The following CAST variants were observed in gnomAD, a reference collection of about 807,000 sequenced individuals.
The protein encoded by CAST is MIR583 host.
In CAST, 76 loss-of-function variants were observed where a neutral mutation model predicts 119.6. The observed-to-expected ratio is 0.64, with a 90% confidence interval of 0.53 to 0.77. The LOEUF (loss-of-function observed/expected upper bound fraction) is 0.77, where lower values mean the gene tolerates loss of function less well. Ranked by LOEUF, CAST falls within the 30% of genes least tolerant of loss-of-function variation. The pLI, the probability that CAST is intolerant of heterozygous loss-of-function variation, is 0.00. For missense variants in CAST, 953 were observed against 946.5 expected (o/e 1.01, Z -0.09); for synonymous variants, 319 against 331.6 (o/e 0.96, Z 0.41).
the CAST span, among the ~76,000 whole-genome samples, chr5:96,467,002 T>C: frequency 6.6e-6 from 1 of 152,214 alleles, no homozygotes; most frequent in Non-Finnish European, 1.5e-5. Context: ...AAGAATGTGT[T>C]GTCATACATT....
At chr5:96,717,359 T>G (rs1757365553) in intron 3 of CAST, among the ~76,000 whole-genome samples, 4 of 152,194 alleles carry the variant, frequency 2.6e-5, no homozygotes. Flanking sequence ...AAGATGGGAC[T>G]TGGGCAGGGA....
At chr5:96,420,655 A>G in the CAST span, among the ~76,000 whole-genome samples, 1 of 147,928 alleles carries the variant, frequency 6.8e-6, no homozygotes, top group Non-Finnish European at 1.5e-5. Context: ...GGCTTTCTGG[A>G]GGGAAGACTA....
the CAST span, among the ~76,000 whole-genome samples, chr5:96,225,718 C>T: frequency 6.6e-6 from 1 of 152,076 alleles, no homozygotes; most frequent in African/African-American, 2.4e-5. Flanking sequence ...GTAGATCTAA[C>T]AGAAACAGAG....
At chr5:96,727,436 G>A in intron 5 of CAST, 53 bp from the exon 6 acceptor site, 2 of 948,818 alleles carry the variant, frequency 2.1e-6, no homozygotes, top group South Asian at 1.6e-5. Flanking sequence ...TGTAAACTAT[G>A]TCTATCTTTC....
chr5:96,538,353 A>G (rs1745855623), intron 1 of CAST, among the ~76,000 whole-genome samples: 1 of 152,228 alleles, frequency 6.6e-6, no homozygotes, highest in Non-Finnish European at 1.5e-5. Context: ...TCCTTATATC[A>G]TACCTATCTG....
At chr5:96,280,674 G>A in the CAST span, among the ~76,000 whole-genome samples, 3 of 152,032 alleles carry the variant, frequency 2.0e-5, no homozygotes, top group Non-Finnish European at 4.4e-5. Context: ...ATGAGATAAT[G>A]TATGTGAAAA....
chr5:96,048,063 C>T, the CAST span, among the ~76,000 whole-genome samples: 1 of 150,526 alleles, frequency 6.6e-6, no homozygotes, highest in East Asian at 2.0e-4. Flanking sequence ...CATACTCTTT[C>T]ACTTGTTTCA....
At chr5:96,728,550 C>T (rs1488906518) in intron 6 of CAST, 1 of 151,660 alleles carries the variant, frequency 6.6e-6, no homozygotes, top group East Asian at 1.9e-4. Context: ...CATCTTGGCT[C>T]ACTGCAAGCT....
the CAST span, among the ~76,000 whole-genome samples, chr5:96,219,989 G>A: frequency 6.6e-6 from 1 of 152,146 alleles, no homozygotes; most frequent in African/African-American, 2.4e-5. Context: ...GATGCTGTAT[G>A]TTGCCCAATG....
intron 1 of CAST, among the ~76,000 whole-genome samples, chr5:96,536,031 GT>G (rs533558053): frequency 0.049 from 5,116 of 103,568 alleles, 209 homozygotes; most frequent in African/African-American, 0.14. Context: ...AATATTTAAG[GT>G]TTTTTTTTTT....
the CAST span, among the ~76,000 whole-genome samples, chr5:96,298,120 G>A: frequency 6.6e-6 from 1 of 152,082 alleles, no homozygotes; most frequent in Admixed American, 6.6e-5. Context: ...ATGACCCTAG[G>A]CCCACAGGAA....
At chr5:96,444,401 A>C in the CAST span, among the ~76,000 whole-genome samples, 2 of 152,224 alleles carry the variant, frequency 1.3e-5, no homozygotes, top group Admixed American at 1.3e-4. Flanking sequence ...ATGTTTAAAG[A>C]ACTGTATAAA....
chr5:96,186,121 G>T, the CAST span, among the ~76,000 whole-genome samples: 5 of 152,062 alleles, frequency 3.3e-5, no homozygotes, highest in Non-Finnish European at 7.4e-5. Flanking sequence ...AATTGTGAAT[G>T]GGAATTCATT....
In CAST at chr5:96,774,513, A is replaced by AG; in HGVS notation, c.*1897_*1898insG. 1.0e-6 allele frequency: 1 copy of AG among 986,398 alleles called. No homozygotes were observed. The allele number at this position is 986,398 out of a possible 1,614,324, so 61.1% of individuals were successfully genotyped here. On this transcript the variant is annotated 3_prime_UTR_variant, in exon 32 of 32. Coordinates refer to ENST00000675179, the MANE Select transcript of CAST (RefSeq NM_001750.7). ...AGGCAAAGAACAATTTTTTATTATC[A>AG]AAAAGGTTTCTGCACATTGTTGTGG...
the CAST span, chr5:96,397,230 G>A: frequency 2.2e-6 from 2 of 925,838 alleles, no homozygotes; most frequent in South Asian, 2.8e-5. Context: ...TACTAAGAAG[G>A]GGTACAATTC....
chr5:96,079,365 A>C, the CAST span, among the ~76,000 whole-genome samples: 1 of 152,176 alleles, frequency 6.6e-6, no homozygotes, highest in African/African-American at 2.4e-5. Flanking sequence ...TAGGAAGGCT[A>C]GTCTTTTTAA....
At chr5:96,662,684 G>A (rs925705573) in intron 1 of CAST, among the ~76,000 whole-genome samples, 187 bp downstream of exon 1, 2 of 140,746 alleles carry the variant, frequency 1.4e-5, no homozygotes, top group African/African-American at 5.2e-5. Context: ...TCGGTTCCCC[G>A]GCCGGGTCCA....
At chr5:96,384,389 C>A in the CAST span, among the ~76,000 whole-genome samples, 1 of 152,184 alleles carries the variant, frequency 6.6e-6, no homozygotes, top group Admixed American at 6.5e-5. Context: ...GCTGGGACAA[C>A]AGGGATAAAC....
At chr5:96,547,649 CAT>C (rs894099700) in intron 1 of CAST, among the ~76,000 whole-genome samples, 34 of 152,218 alleles carry the variant, frequency 2.2e-4, no homozygotes, top group Non-Finnish European at 4.9e-4. Flanking sequence ...GAGTAGTTGA[CAT>C]ATAAAATTAA....
Sources: gnomAD v4.1 joint callset for allele counts (sites outside exome capture counted in the v4.1 genomes callset) on GRCh38, gnomAD v4.1.1 for gene constraint, MANE v1.5 for transcripts, NCBI Gene and HGNC (gene_info 2026-07-23, HGNC 2026-07-21) for gene names.